Variants in MATK observed in about 807,000 individuals in gnomAD.
The protein encoded by MATK is megakaryocyte-associated tyrosine kinase.
MATK carries 41 observed loss-of-function variants against 59.8 expected under a neutral mutation model. That is an observed-to-expected ratio of 0.69 (90% confidence interval 0.53 to 0.89). The LOEUF (loss-of-function observed/expected upper bound fraction) is 0.89. MATK is among the 40% of genes least tolerant of loss of function. The probability of loss-of-function intolerance (pLI) is 0.00; values close to 1 mark genes in which losing one functional copy is unlikely to be tolerated. For missense variants in MATK, 593 were observed against 719.6 expected (o/e 0.82, Z 2.01); for synonymous variants, 308 against 306.1 (o/e 1.01, Z -0.06).
intron 1 of MATK, among the ~76,000 whole-genome samples, chr19:3,796,395 C>G (rs1039095692): frequency 1.3e-5 from 2 of 152,098 alleles, no homozygotes; most frequent in Non-Finnish European, 2.9e-5. Flanking sequence ...TCCAGAAGGT[C>G]AAGATTTAGC....
intron 11 of MATK, 68 bp from the exon 12 acceptor site, chr19:3,779,255 G>A (rs536087136): frequency 9.2e-5 from 142 of 1,540,296 alleles, no homozygotes; most frequent in South Asian, 4.2e-4. Flanking sequence ...CAGAAAGCTC[G>A]GGGTGCCTGG....
intron 2 of MATK, 75 bp downstream of exon 2, chr19:3,784,989 G>T: frequency 6.7e-7 from 1 of 1,498,680 alleles, no homozygotes; most frequent in Non-Finnish European, 9.3e-7. Context: ...GGCAGGCAGA[G>T]AGAGCCTCCC....
At chr19:3,791,051 G>A (rs1599205639), upstream of MATK, among the ~76,000 whole-genome samples, 1 of 152,170 alleles carries the variant, frequency 6.6e-6, no homozygotes, top group African/African-American at 2.4e-5. Flanking sequence ...GTGACACCTA[G>A]TTTTAGCAGC....
At chr19:3,787,988 C>G (rs1316615962), upstream of MATK, among the ~76,000 whole-genome samples, 1 of 150,830 alleles carries the variant, frequency 6.6e-6, no homozygotes, top group Admixed American at 6.6e-5. Flanking sequence ...GCCTCAAATG[C>G]CTGGGCTCAA....
chr19:3,791,417 A>C (rs2037540975), intron 1 of MATK, among the ~76,000 whole-genome samples: 1 of 148,736 alleles, frequency 6.7e-6, no homozygotes. Context: ...ATTTCGGCTC[A>C]CTGCAAACTC....
upstream of MATK, among the ~76,000 whole-genome samples, chr19:3,790,604 A>T (rs779637316): frequency 2.6e-5 from 4 of 152,012 alleles, no homozygotes; most frequent in African/African-American, 4.8e-5. Flanking sequence ...CCCAGGTCCC[A>T]TTTTCTCCTC....
chr19:3,801,049 G>A (rs1436037083), intron 1 of MATK, among the ~76,000 whole-genome samples: 3 of 151,980 alleles, frequency 2.0e-5, no homozygotes, highest in Non-Finnish European at 4.4e-5. Context: ...TAGTACAGAC[G>A]GGGTTTCGAA....
At position 3,778,368 on chromosome 19, in the gene MATK, C is replaced by T. The variant is rs1568403793; in HGVS notation, c.1339G>A (p.Glu447Lys). ...ACGTGCACGGGGCCTGGACAGCCCT[C>T]GGGGGGTTCCATGCGGTACCCCTTC... ...VEKGYRMEPP[E>K]GCPGPVHVLM... The change falls in exon 14 of 14, where the codon GAG becomes AAG. Residue 447 changes from glutamate to lysine, a missense_variant. Transcript: ENST00000310132. 8.7e-6 allele frequency: 14 copies of T among 1,606,856 alleles called. No individual in the cohort carries two copies. Among genetic ancestry groups the T allele is most frequent in the African/African-American group, 1.3e-5 (1 of 74,684 alleles).
intron 7 of MATK, chr19:3,782,908 T>C (rs2037420784): frequency 1.8e-6 from 1 of 545,706 alleles, no homozygotes; most frequent in Non-Finnish European, 3.3e-6. Context: ...TGGTGGATGA[T>C]GGTGACAGAT....
At chr19:3,799,201 T>C (rs537116595) in intron 1 of MATK, among the ~76,000 whole-genome samples, 16 of 152,216 alleles carry the variant, frequency 1.1e-4, no homozygotes, top group African/African-American at 3.6e-4. Flanking sequence ...TTAAAATGCA[T>C]TTTCTTACTG....
chr19:3,783,743 C>T (rs1453603179), intron 6 of MATK, 71 bp downstream of exon 6: 17 of 1,430,266 alleles, frequency 1.2e-5, no homozygotes, highest in South Asian at 3.8e-5. Context: ...TCTATCTCTA[C>T]GTAGGGGAGT....
chr19:3,778,887 G>C lies in MATK; in HGVS notation c.1197+105C>G, dbSNP rs576393660. 11 of 1,175,666 alleles carry C rather than the reference G, an allele frequency of 9.4e-6. No individual in the cohort carries two copies. In the East Asian group the frequency reaches 2.7e-4, roughly 29 times the overall value. The allele number at this position is 1,175,666 out of a possible 1,614,324, so 72.8% of individuals were successfully genotyped here. A position where few individuals can be genotyped will look rare whatever the true frequency, so the allele number is the denominator to read the frequency against. ...GCCAAGAGCTTCCTGGGGAGGCATA[G>C]CCATTGCCCTTGGAGTTTCAGAGAG... On this transcript the variant is annotated intron_variant, in intron 12 of 13. Coordinates refer to ENST00000310132, the MANE Select transcript of MATK (RefSeq NM_139355.3).
At chr19:3,786,685 A>G (rs113664198), upstream of MATK, among the ~76,000 whole-genome samples, 6 of 152,102 alleles carry the variant, frequency 3.9e-5, no homozygotes, top group African/African-American at 1.4e-4. The surrounding 1 kb of genome is among the most constrained non-coding windows in gnomAD (Gnocchi z 4.1). Context: ...GTACTCTGCA[A>G]TTCCAACTCC....
At chr19:3,779,345 CCA>C in intron 11 of MATK, 31 bp downstream of exon 11, 1 of 1,609,484 alleles carries the variant, frequency 6.2e-7, no homozygotes, top group Non-Finnish European at 8.5e-7. Context: ...CCCGACGACC[CCA>C]GTGCCGCAGC....
intron 8 of MATK, among the ~76,000 whole-genome samples, chr19:3,780,267 G>A (rs1006970911): frequency 2.0e-5 from 3 of 151,800 alleles, no homozygotes; most frequent in Admixed American, 6.6e-5. Flanking sequence ...GTGACAGAGC[G>A]AAACTCCATC....
chr19:3,788,259 C>T (rs1175683210), upstream of MATK, among the ~76,000 whole-genome samples: 4 of 151,504 alleles, frequency 2.6e-5, no homozygotes, highest in Admixed American at 6.6e-5. Flanking sequence ...GAGGCCAAGG[C>T]GGGCAGATCA....
At chr19:3,790,673 G>C (rs547830005), upstream of MATK, among the ~76,000 whole-genome samples, 1 of 152,216 alleles carries the variant, frequency 6.6e-6, no homozygotes, top group African/African-American at 2.4e-5. Flanking sequence ...CCACGCCTTT[G>C]CACTGGCTGT....
At chr19:3,801,363 G>A (rs1477337856) in intron 1 of MATK, among the ~76,000 whole-genome samples, 1 of 152,134 alleles carries the variant, frequency 6.6e-6, no homozygotes, top group East Asian at 1.9e-4. Context: ...AAGGCTGACT[G>A]TGACTGGGCC....
In MATK at chr19:3,794,446, C is replaced by T. The variant is rs1599207776; in HGVS notation, c.-57-5042G>A. Among the ~76,000 whole-genome samples the T allele has an allele frequency of 5.9e-5, 9 of 152,030 alleles. No individual in the cohort carries two copies. The South Asian group carries it at 1.9e-3, about 32-fold the overall frequency. On this transcript the variant is annotated intron_variant, in intron 1 of 13. Transcript: ENST00000395045. Reference sequence around the variant, plus strand: ...AGGTGGGAGGATTGCTTGAGCCCTGCCATTGGAGACCAGTCTGGCCAACAT... The same window carrying T: ...AGGTGGGAGGATTGCTTGAGCCCTGTCATTGGAGACCAGTCTGGCCAACAT...
Sources: allele counts gnomAD v4.1 joint callset (sites outside exome capture counted in the v4.1 genomes callset), GRCh38; gene constraint gnomAD v4.1.1; non-coding constraint Gnocchi (gnomAD v3.1); transcripts MANE v1.5; gene names NCBI Gene and HGNC (gene_info 2026-07-23, HGNC 2026-07-21).